MAST4: variants seen among roughly 807,000 people sequenced by gnomAD.
MAST4 encodes microtubule associated serine/threonine kinase family member 4.
A neutral mutation model predicts 162.7 loss-of-function variants in MAST4; 89 were observed. The observed-to-expected ratio is 0.55, with a 90% CI of 0.46 to 0.65. MAST4 has a LOEUF of 0.65. Ranked by LOEUF, MAST4 falls within the 30% of genes least tolerant of loss-of-function variation. The pLI is 0.00. For missense variants in MAST4, 3,153 were observed against 3,374.0 expected (o/e 0.93, Z 1.62); for synonymous variants, 1,479 against 1,361.1 (o/e 1.09, Z -1.91).
At chr5:67,067,139 C>T (rs76424693) in intron 5 of MAST4, among the ~76,000 whole-genome samples, 2,945 of 152,254 alleles carry the variant, frequency 0.019, 102 homozygotes, top group African/African-American at 0.068. Context: ...GTGTAGAAAC[C>T]TCCTTCTACT....
Position 67,095,610 on chromosome 5 carries a change from C to A in MAST4, c.847C>A (p.Arg283Ser). ...FSFARRTDGR[R>S]WSLASLPSSG... ...CTTTCTCAATAGGACTGATGGACGC[C>A]GCTGGTCGTTGGCTTCTCTCCCTTC... Residue 283 changes from arginine to serine, a missense_variant, in exon 7 of 29, where the codon CGC (arginine) becomes AGC (serine). Arg to Ser is a moderately radical substitution (Grantham distance 110). Coordinates refer to ENST00000403625, the MANE Select transcript of MAST4 (RefSeq NM_001164664.2). 1 of 1,609,040 alleles carries A rather than the reference C, an allele frequency of 6.2e-7. No individual in the cohort carries two copies. The highest frequency in any genetic ancestry group is 8.5e-7 in the Non-Finnish European group (1 of 1,177,310).
intron 3 of MAST4, among the ~76,000 whole-genome samples, chr5:66,801,197 A>G (rs1331276425): frequency 6.6e-6 from 1 of 152,192 alleles, no homozygotes; most frequent in Non-Finnish European, 1.5e-5. Context: ...GAATTTTAAC[A>G]GGCCTGTGTA....
intron 1 of MAST4, among the ~76,000 whole-genome samples, chr5:66,655,804 A>T (rs1454588755): frequency 6.6e-6 from 1 of 152,202 alleles, no homozygotes; most frequent in African/African-American, 2.4e-5. Context: ...CCTCATTAGT[A>T]AACAGGCCAA....
intron 3 of MAST4, among the ~76,000 whole-genome samples, chr5:66,843,332 A>C (rs535754596): frequency 1.3e-5 from 2 of 152,288 alleles, no homozygotes; most frequent in East Asian, 3.9e-4. Context: ...TTTGTCAAGC[A>C]CTTGAAAAAG....
chr5:66,743,569 C>T (rs1041745198), intron 1 of MAST4, among the ~76,000 whole-genome samples: 3 of 152,166 alleles, frequency 2.0e-5, no homozygotes, highest in Non-Finnish European at 2.9e-5. Context: ...CCACAGGCTG[C>T]GTTTCAGTGG....
chr5:67,075,178 T>TC (rs1554092924), intron 5 of MAST4, among the ~76,000 whole-genome samples: 2 of 148,940 alleles, frequency 1.3e-5, no homozygotes, highest in Non-Finnish European at 3.0e-5. Context: ...TTTTTTTTTT[T>TC]CGTTCCTTTT....
intron 1 of MAST4, among the ~76,000 whole-genome samples, chr5:66,734,906 C>T (rs1049573983): frequency 2.0e-5 from 3 of 152,190 alleles, no homozygotes; most frequent in African/African-American, 7.2e-5. Flanking sequence ...TCTAGTTATT[C>T]CTTAATTCTT....
intron 2 of MAST4, among the ~76,000 whole-genome samples, chr5:66,786,550 C>G (rs1205046010): frequency 1.3e-5 from 2 of 152,110 alleles, no homozygotes; most frequent in Non-Finnish European, 2.9e-5. Flanking sequence ...GTGAGTCCTT[C>G]AAATACTGAG....
chr5:66,845,085 TTATATATATATA>T (rs752796951), intron 3 of MAST4, among the ~76,000 whole-genome samples: 1,123 of 57,984 alleles, frequency 0.019, 60 homozygotes, highest in African/African-American at 0.072. Flanking sequence ...TCACTAATCT[TTATATATATATA>T]TATATATATA....
In MAST4 at chr5:67,068,293, G is replaced by A. The variant is rs147994365; in HGVS notation, c.763+13801G>A. On this transcript the variant is annotated intron_variant, in intron 5 of 28. Transcript: ENST00000403625. ...TACTCGAGACTGGGTAATTTATAAA[G>A]GAGAGGTTTAATTGACTCACAGTTC... is the stretch of plus-strand genomic sequence containing the variant. Among the ~76,000 whole-genome samples, 723 of 152,264 alleles carry A rather than the reference G, an allele frequency of 4.7e-3. 5 individuals are homozygous for A. The highest frequency in any genetic ancestry group is 0.015 in the African/African-American group (625 of 41,552).
At chr5:66,779,827 C>G (rs1033059322) in intron 2 of MAST4, among the ~76,000 whole-genome samples, 1 of 152,150 alleles carries the variant, frequency 6.6e-6, no homozygotes, top group Admixed American at 6.5e-5. Context: ...TGACTCTTTG[C>G]GGTCTTTGCC....
chr5:66,687,753 A>G (rs1748786114), intron 1 of MAST4, among the ~76,000 whole-genome samples: 1 of 152,122 alleles, frequency 6.6e-6, no homozygotes, highest in Non-Finnish European at 1.5e-5. Flanking sequence ...GCTATTGTGA[A>G]CAGTGCTGTG....
intron 4 of MAST4, among the ~76,000 whole-genome samples, chr5:66,964,405 G>A (rs1746399381): frequency 6.6e-6 from 1 of 152,128 alleles, no homozygotes; most frequent in Non-Finnish European, 1.5e-5. Context: ...TATTCTAATA[G>A]ACTTTTCATG....
intron 9 of MAST4, among the ~76,000 whole-genome samples, chr5:67,103,360 A>G (rs1457399810): frequency 6.6e-6 from 1 of 152,232 alleles, no homozygotes; most frequent in African/African-American, 2.4e-5. Context: ...CTTTGGTTTC[A>G]TAAATCAAGA....
intron 3 of MAST4, among the ~76,000 whole-genome samples, chr5:66,837,886 ATATATATATTTTTTTTTTTTTTTTTTT>A (rs1758111618): frequency 1.9e-5 from 1 of 52,842 alleles, no homozygotes; most frequent in African/African-American, 8.9e-5. Flanking sequence ...ATATATATAT[ATATATATATTTTTTTTTTTTTTTTTTT>A]TTTTAATGTG....
At chr5:66,865,478 T>C (rs1463167182) in intron 3 of MAST4, among the ~76,000 whole-genome samples, 2 of 152,238 alleles carry the variant, frequency 1.3e-5, no homozygotes, top group Non-Finnish European at 2.9e-5. Context: ...TACAAAGACA[T>C]GTTTTCAAGA....
chr5:66,853,927 G>A (rs2149818644), intron 3 of MAST4, among the ~76,000 whole-genome samples: 1 of 152,248 alleles, frequency 6.6e-6, no homozygotes, highest in East Asian at 1.9e-4. Context: ...TAAAGGGTCA[G>A]TAGAAATTAA....
At chr5:66,937,759 A>G (rs1278519944) in intron 4 of MAST4, among the ~76,000 whole-genome samples, 24 of 151,884 alleles carry the variant, frequency 1.6e-4, no homozygotes, top group Non-Finnish European at 2.9e-5. Context: ...AAAAGTATAC[A>G]TTTTACTTAG....
intron 26 of MAST4, 58 bp from the exon 27 acceptor site, chr5:67,160,398 G>C: frequency 6.5e-7 from 1 of 1,535,888 alleles, no homozygotes; most frequent in Non-Finnish European, 8.8e-7. Context: ...TCTCATCTCT[G>C]TTCTGATCTT....
Sources: gnomAD v4.1 joint callset for allele counts (sites outside exome capture counted in the v4.1 genomes callset) on GRCh38, gnomAD v4.1.1 for gene constraint, MANE v1.5 for transcripts, NCBI Gene and HGNC (gene_info 2026-07-23, HGNC 2026-07-21) for gene names.